Variants in CORO7 observed in about 807,000 individuals in gnomAD.
CORO7 encodes coronin-7.
Under a neutral mutation model 126.6 loss-of-function variants are expected in CORO7, and 107 were observed. The ratio of observed to expected loss-of-function variants is 0.85; its 90% CI spans 0.72 to 0.99. The LOEUF (loss-of-function observed/expected upper bound fraction) is 0.99. CORO7 is among the 50% of genes least tolerant of loss of function. The pLI, the probability that CORO7 is intolerant of heterozygous loss-of-function variation, is 0.00. For missense variants in CORO7, 1,314 were observed against 1,255.8 expected (o/e 1.05, Z -0.70); for synonymous variants, 603 against 536.8 (o/e 1.12, Z -1.70).
At position 4,362,808 on chromosome 16, in the gene CORO7, A is replaced by T; in HGVS notation, c.1276-70T>A. 7.9e-7 allele frequency: 1 copy of T among 1,271,588 alleles called. No individual in the cohort carries two copies. Among genetic ancestry groups the T allele is most frequent in the South Asian group, 2.7e-5 (1 of 37,024 alleles). The allele number at this position is 1,271,588 out of a possible 1,614,324, so 78.8% of individuals were successfully genotyped here. A position where few individuals can be genotyped will look rare whatever the true frequency, so the allele number is the denominator to read the frequency against. On this transcript the variant is annotated intron_variant, in intron 14 of 27. Transcript: ENST00000251166. This position sits in a 1 kb window ranked among gnomAD's most constrained non-coding sequence, Gnocchi z 5.3. ...GGCCAAAAGGAGGGGGTGCCAGCGG[A>T]CTCCAGGGTCACCACTCTGGGCCCC...
At chr16:4,369,844 C>T (rs1032947502) in intron 9 of CORO7, among the ~76,000 whole-genome samples, 4 of 152,102 alleles carry the variant, frequency 2.6e-5, no homozygotes, top group Admixed American at 2.0e-4. Flanking sequence ...TTTGACCCCC[C>T]TCCACCCCCA....
intron 3 of CORO7, among the ~76,000 whole-genome samples, chr16:4,411,565 G>T (rs184602650): frequency 6.6e-6 from 1 of 152,114 alleles, no homozygotes; most frequent in Non-Finnish European, 1.5e-5. Flanking sequence ...TTTTAAAAAA[G>T]TTTAGATGAG....
chr16:4,364,730 C>T (rs1171835587), intron 12 of CORO7, 41 bp from the exon 13 acceptor site: 4 of 1,592,204 alleles, frequency 2.5e-6, no homozygotes, highest in Non-Finnish European at 8.5e-7. Context: ...GCCCAGGCCC[C>T]CCGACTCCCC....
intron 21 of CORO7, 69 bp from the exon 22 acceptor site, chr16:4,359,690 C>A: frequency 6.6e-7 from 1 of 1,517,310 alleles, no homozygotes; most frequent in Non-Finnish European, 8.8e-7. Context: ...GGAGAAGGCG[C>A]CCACGTAGCC....
At chr16:4,410,961 T>C (rs947159989) in intron 3 of CORO7, among the ~76,000 whole-genome samples, 4 of 152,206 alleles carry the variant, frequency 2.6e-5, no homozygotes, top group Non-Finnish European at 5.9e-5. Flanking sequence ...AGGAAGCAGA[T>C]CAGCTGTTGC....
intron 9 of CORO7, chr16:4,382,714 G>A: frequency 1.3e-6 from 2 of 1,551,038 alleles, no homozygotes; most frequent in Non-Finnish European, 1.7e-6. Flanking sequence ...TCAGGACAAA[G>A]GGCAGGTGGG....
At chr16:4,415,107 A>T (rs769245939) in intron 1 of CORO7, among the ~76,000 whole-genome samples, 43 of 152,204 alleles carry the variant, frequency 2.8e-4, no homozygotes, top group Admixed American at 1.0e-3. Context: ...AGCTCAAAGC[A>T]GTCCACCCAA....
intron 7 of CORO7, 63 bp from the exon 8 acceptor site, chr16:4,388,694 A>C: frequency 6.5e-7 from 1 of 1,538,470 alleles, no homozygotes; most frequent in Non-Finnish European, 8.8e-7. Context: ...GGCCCCCTGG[A>C]ATGGGCCTGA....
At chr16:4,407,473 G>C (rs1304395738) in intron 5 of CORO7, 28 bp downstream of exon 5, 1 of 1,555,540 alleles carries the variant, frequency 6.4e-7, no homozygotes, top group Admixed American at 1.9e-5. Flanking sequence ...GGGCTGCCCT[G>C]GGAAGGGCAG....
rs745932091 is a variant in CORO7, at chr16:4,381,852, G to T, written c.785+6134C>A. 1.9e-6 allele frequency: 3 copies of T among 1,602,174 alleles called. No individual in the cohort carries two copies. In the African/African-American group the frequency reaches 4.0e-5, roughly 21 times the overall value. On this transcript the variant is annotated intron_variant, in intron 9 of 27. Transcript: ENST00000251166. ...ACGTCACACTGGCCAGCCCTGAGGA[G>T]ACGCGCTGCCACTTCCCGCCCAAGA...
intron 6 of CORO7, among the ~76,000 whole-genome samples, chr16:4,396,519 A>G (rs1223931330): frequency 2.6e-5 from 4 of 152,214 alleles, no homozygotes; most frequent in Non-Finnish European, 5.9e-5. Context: ...CATACAGCCC[A>G]TACATTTTAC....
In CORO7 at chr16:4,357,230, G is replaced by A. The variant is rs750400638; in HGVS notation, c.2623C>T (p.Arg875Cys). ...TACTGCGCTGAGGATGGGGCCCGAC[G>A]AGCAGGGGCCTCTCGGGGGGCTTGG... ...VSQAPREAPA[R>C]RAPSSAQYLE... Residue 875 changes from arginine to cysteine, a missense_variant, in exon 26 of 28, where the codon CGT becomes TGT. By Grantham distance (180) the Arg-to-Cys change is radical. Coordinates refer to ENST00000251166, the MANE Select transcript of CORO7 (RefSeq NM_024535.5). 2.1e-5 allele frequency: 34 copies of A among 1,613,638 alleles called. No individual in the cohort carries two copies. The highest frequency in any genetic ancestry group is 1.4e-5 in the Non-Finnish European group (17 of 1,179,974).
chr16:4,361,278 G>T, intron 17 of CORO7, 30 bp from the exon 18 acceptor site: 1 of 1,611,888 alleles, frequency 6.2e-7, no homozygotes, highest in Non-Finnish European at 8.5e-7. Context: ...GCTCATCATT[G>T]CTGAGCCCAA....
intron 3 of CORO7, among the ~76,000 whole-genome samples, chr16:4,411,083 C>A (rs961723576): frequency 6.6e-6 from 1 of 152,162 alleles, no homozygotes; most frequent in Non-Finnish European, 1.5e-5. Context: ...ATGACTCGGT[C>A]ACTTTAATAA....
intron 3 of CORO7, among the ~76,000 whole-genome samples, chr16:4,410,259 C>T (rs2056153176): frequency 6.6e-6 from 1 of 152,064 alleles, no homozygotes; most frequent in South Asian, 2.1e-4. Context: ...ACCCCATCTC[C>T]ACAAAACATA....
At chr16:4,384,137 AGAAAGGG>A (rs1487109939) in intron 9 of CORO7, among the ~76,000 whole-genome samples, 4 of 152,148 alleles carry the variant, frequency 2.6e-5, no homozygotes, top group African/African-American at 9.7e-5. Context: ...ATGGGTGGGG[AGAAAGGG>A]GCCGAGCCCC....
intron 6 of CORO7, chr16:4,397,316 A>G (rs1375084365): frequency 6.6e-6 from 1 of 151,722 alleles, no homozygotes; most frequent in African/African-American, 2.4e-5. Flanking sequence ...GGTGGCACGC[A>G]CCTGTAATCC....
intron 3 of CORO7, 97 bp from the exon 4 acceptor site, chr16:4,408,348 C>T: frequency 1.9e-6 from 3 of 1,545,574 alleles, no homozygotes; most frequent in Non-Finnish European, 2.7e-6. Flanking sequence ...TTTGTGTGCA[C>T]ACAGAAACAG....
intron 5 of CORO7, 62 bp downstream of exon 5, chr16:4,407,439 A>G: frequency 1.3e-6 from 2 of 1,521,606 alleles, no homozygotes; most frequent in Non-Finnish European, 1.8e-6. Context: ...ATGCCAACAA[A>G]GAAACGGAGT....
Sources: allele counts gnomAD v4.1 joint callset (sites outside exome capture counted in the v4.1 genomes callset), GRCh38; gene constraint gnomAD v4.1.1; non-coding constraint Gnocchi (gnomAD v3.1); transcripts MANE v1.5; gene names NCBI Gene and HGNC (gene_info 2026-07-23, HGNC 2026-07-21).